Variants in ATXN8OS observed in about 807,000 individuals in gnomAD.
The protein encoded by ATXN8OS is ATXN8 opposite strand lncRNA.
At chr13:70,126,658 T>C (rs1888441774) in intron 2 of ATXN8OS, among the ~76,000 whole-genome samples, 1 of 151,770 alleles carries the variant, frequency 6.6e-6, no homozygotes. Flanking sequence ...GATATATCTA[T>C]AGGCAGATAG....
intron 4 of ATXN8OS, among the ~76,000 whole-genome samples, chr13:70,148,744 T>C (rs1888823607): frequency 6.6e-6 from 1 of 152,146 alleles, no homozygotes; most frequent in Admixed American, 6.6e-5. Flanking sequence ...CAAGTGTTTT[T>C]AGTCTCTATC....
chr13:70,130,433 G>A (rs1225794452), intron 3 of ATXN8OS, among the ~76,000 whole-genome samples: 1 of 152,052 alleles, frequency 6.6e-6, no homozygotes, highest in Non-Finnish European at 1.5e-5. Context: ...ATACTAAGAA[G>A]GCTTGAAGAA....
At chr13:70,146,613 A>G (rs1160333216) in intron 3 of ATXN8OS, among the ~76,000 whole-genome samples, 1 of 152,140 alleles carries the variant, frequency 6.6e-6, no homozygotes, top group Non-Finnish European at 1.5e-5. Context: ...TGTCCTTTGT[A>G]GGGACATGGA....
intron 4 of ATXN8OS, among the ~76,000 whole-genome samples, chr13:70,168,593 ATTTT>A (rs377197453): frequency 7.2e-6 from 1 of 138,478 alleles, no homozygotes; most frequent in African/African-American, 2.7e-5. Flanking sequence ...CTGTGACATC[ATTTT>A]TTTTTTTTTT....
chr13:70,110,248 CA>C (rs1163552116), intron 1 of ATXN8OS, among the ~76,000 whole-genome samples: 1 of 151,898 alleles, frequency 6.6e-6, no homozygotes, highest in East Asian at 1.9e-4. Context: ...AAAGCACTGC[CA>C]GAGCCAATTA....
At chr13:70,132,999 G>T (rs1015765898) in intron 3 of ATXN8OS, among the ~76,000 whole-genome samples, 2 of 152,184 alleles carry the variant, frequency 1.3e-5, no homozygotes, top group African/African-American at 4.8e-5. Context: ...TACAGCCAGG[G>T]TTGGGACTAA....
chr13:70,151,148 G>A (rs1273358682), intron 4 of ATXN8OS, among the ~76,000 whole-genome samples: 3 of 151,990 alleles, frequency 2.0e-5, no homozygotes, highest in Non-Finnish European at 2.9e-5. Context: ...TGTTGTTGCT[G>A]TAAAAGCACA....
chr13:70,110,673 C>A lies in ATXN8OS; in HGVS notation n.240+2654C>A, dbSNP rs544684070. On this transcript the variant is annotated intron_variant and non_coding_transcript_variant, in intron 1 of 4. Coordinates refer to ENST00000678624, the Ensembl canonical transcript of ATXN8OS. Reference sequence around the variant, plus strand: ...CTTAACCTGGCATATTAGATAAAATCCTTGAAAAATATACTTTGTAAAATA... The same window carrying A: ...CTTAACCTGGCATATTAGATAAAATACTTGAAAAATATACTTTGTAAAATA... Among the ~76,000 whole-genome samples the A allele has an allele frequency of 2.2e-4, 34 of 151,784 alleles. 1 individual carries two copies. Among genetic ancestry groups the A allele is most frequent in the Non-Finnish European group, 4.6e-4 (31 of 67,932 alleles).
intron 3 of ATXN8OS, among the ~76,000 whole-genome samples, chr13:70,141,774 G>A (rs1048749020): frequency 6.6e-6 from 1 of 151,770 alleles, no homozygotes; most frequent in Non-Finnish European, 1.5e-5. Context: ...AGGAATACTG[G>A]TTATTAAATA....
exon 2 of ATXN8OS, chr13:70,115,241 G>C (rs949301738): frequency 1.3e-5 from 5 of 398,354 alleles, no homozygotes; most frequent in Non-Finnish European, 2.2e-5. Flanking sequence ...GGGCAAGAGA[G>C]AGAACAAAGT....
intron 3 of ATXN8OS, among the ~76,000 whole-genome samples, chr13:70,131,762 A>G (rs1888537793): frequency 6.6e-6 from 1 of 152,084 alleles, no homozygotes. Flanking sequence ...GTACAACTGC[A>G]TCCTTGTTTT....
chr13:70,167,608 T>C (rs1889092056), intron 4 of ATXN8OS, among the ~76,000 whole-genome samples: 1 of 151,098 alleles, frequency 6.6e-6, no homozygotes, highest in African/African-American at 2.4e-5. Context: ...CATGCATACG[T>C]ATGTAACTAA....
chr13:70,145,983 A>C (rs215028), intron 3 of ATXN8OS, among the ~76,000 whole-genome samples: 113,967 of 134,626 alleles, frequency 0.85, 48,310 homozygotes, highest in East Asian at 1. Context: ...GCAACCTACA[A>C]AATGGGAGAA....
chr13:70,140,606 C>T (rs1302572757), intron 3 of ATXN8OS, among the ~76,000 whole-genome samples: 1 of 150,096 alleles, frequency 6.7e-6, no homozygotes, highest in Non-Finnish European at 1.5e-5. Context: ...GCTATGATAA[C>T]ACTCATAGAA....
At position 70,143,066 on chromosome 13, in the gene ATXN8OS, TA is replaced by T. The variant is rs567043436; in HGVS notation, n.500-4274del. On this transcript the variant is annotated intron_variant and non_coding_transcript_variant, in intron 3 of 4. Coordinates refer to ENST00000678624, the Ensembl canonical transcript of ATXN8OS. The stretch of plus-strand genomic sequence containing the variant: ...CCAGCAACAACAGTGAAACTCCGTC[TA>T]AAAAAAAAAAAAAATCGTAAATGTA... Among the ~76,000 whole-genome samples, 787 of 137,786 alleles carry T rather than the reference TA, an allele frequency of 5.7e-3. 1 individual carries two copies. The highest frequency in any genetic ancestry group is 8.4e-3 in the African/African-American group (315 of 37,536). The allele number at this position is 137,786 out of a possible 152,430, so 90.4% of individuals were successfully genotyped here.
chr13:70,115,146 G>A (rs1031198804), exon 2 of ATXN8OS: 14 of 398,156 alleles, frequency 3.5e-5, no homozygotes, highest in Non-Finnish European at 5.8e-5. Context: ...CATAGTTCTG[G>A]AGGCTGGGAA....
chr13:70,117,715 T>A (rs1888299830), intron 2 of ATXN8OS, among the ~76,000 whole-genome samples: 1 of 152,072 alleles, frequency 6.6e-6, no homozygotes, highest in Admixed American at 6.6e-5. Flanking sequence ...AGCTTTCTTA[T>A]CTGCAAAATA....
chr13:70,129,404 T>A (rs61531474), intron 2 of ATXN8OS, among the ~76,000 whole-genome samples: 1,676 of 146,868 alleles, frequency 0.011, 27 homozygotes, highest in African/African-American at 0.04. Flanking sequence ...TGTGTGTGTG[T>A]TATGTTTTCA....
intron 2 of ATXN8OS, chr13:70,115,329 T>C (rs1047920266): frequency 5.0e-6 from 2 of 397,778 alleles, no homozygotes; most frequent in Non-Finnish European, 4.4e-6. Flanking sequence ...CATTAATCCA[T>C]TCACAGGGAG....
Sources: allele counts gnomAD v4.1 joint callset (sites outside exome capture counted in the v4.1 genomes callset), GRCh38; gene constraint gnomAD v4.1.1; transcripts MANE v1.5; gene names NCBI Gene and HGNC (gene_info 2026-07-23, HGNC 2026-07-21).